Variants in RYR2 observed in about 807,000 individuals in gnomAD.
RYR2 encodes the protein ryanodine receptor 2.
Under a neutral mutation model 601.1 loss-of-function variants are expected in RYR2, and 227 were observed. The ratio of observed to expected loss-of-function variants is 0.38; its 90% CI spans 0.34 to 0.42. The LOEUF (loss-of-function observed/expected upper bound fraction) is 0.42. Among genes scored for constraint, RYR2 ranks in the 10% least tolerant of loss-of-function variants. RYR2 has a pLI of 1.00. For synonymous variants in RYR2, 2,223 were observed against 2,175.1 expected (o/e 1.02, Z -0.61); for missense variants, 4,646 against 6,156.5 (o/e 0.75, Z 8.21).
intron 1 of RYR2, among the ~76,000 whole-genome samples, chr1:237,094,613 C>T (rs986529492): frequency 2.6e-5 from 4 of 152,150 alleles, no homozygotes; most frequent in African/African-American, 4.8e-5. Flanking sequence ...CTCGCTCTGT[C>T]GCCCAGGCTG....
intron 104 of RYR2, among the ~76,000 whole-genome samples, chr1:237,832,113 A>G (rs905713183): frequency 6.6e-6 from 1 of 152,176 alleles, no homozygotes; most frequent in African/African-American, 2.4e-5. Context: ...ATCAGGACCT[A>G]CTACAGCCTT....
intron 1 of RYR2, among the ~76,000 whole-genome samples, chr1:237,050,560 T>C (rs149985002): frequency 2.6e-5 from 4 of 152,190 alleles, no homozygotes; most frequent in African/African-American, 9.7e-5. Flanking sequence ...ATTTTAAGAG[T>C]TTTTGCACAT....
chr1:237,521,314 G>A (rs1389711759), intron 24 of RYR2, among the ~76,000 whole-genome samples: 1 of 152,136 alleles, frequency 6.6e-6, no homozygotes, highest in Non-Finnish European at 1.5e-5. Flanking sequence ...AAAAATACCA[G>A]CAAACAAAAT....
intron 58 of RYR2, among the ~76,000 whole-genome samples, chr1:237,673,293 T>C (rs1281669638): frequency 6.6e-6 from 1 of 152,154 alleles, no homozygotes; most frequent in African/African-American, 2.4e-5. Context: ...TATCAGATCT[T>C]TACATCTGAA....
intron 70 of RYR2, among the ~76,000 whole-genome samples, chr1:237,711,101 A>G (rs946405066): frequency 6.8e-4 from 104 of 152,352 alleles, no homozygotes; most frequent in African/African-American, 2.4e-3. Flanking sequence ...GTACAAGACT[A>G]AAGTTTGGAA....
At chr1:237,469,295 T>TGGG (rs1553463002) in intron 17 of RYR2, 108 bp downstream of exon 17, 1 of 360,274 alleles carries the variant, frequency 2.8e-6, no homozygotes, top group Admixed American at 4.8e-5. Flanking sequence ...TTGAGTGAGG[T>TGGG]GTGGTGGTGT....
intron 95 of RYR2, among the ~76,000 whole-genome samples, chr1:237,794,449 C>G (rs1361845445): frequency 1.3e-5 from 2 of 152,186 alleles, no homozygotes; most frequent in Non-Finnish European, 2.9e-5. Flanking sequence ...TAGCATGAAA[C>G]TAACTAAATA....
chr1:237,735,308 GA>G (rs1691043091), intron 79 of RYR2, among the ~76,000 whole-genome samples: 1 of 152,188 alleles, frequency 6.6e-6, no homozygotes, highest in Non-Finnish European at 1.5e-5. Flanking sequence ...TGCAAAGATT[GA>G]GAGGGAACAG....
chr1:237,831,502 C>T lies in RYR2; in HGVS notation c.14757-12C>T. The T allele has an allele frequency of 1.4e-6, 2 of 1,468,522 alleles. No individual in the cohort carries two copies. The highest frequency in any genetic ancestry group is 9.5e-7 in the Non-Finnish European group (1 of 1,051,294). The allele number at this position is 1,468,522 out of a possible 1,614,324, so 91.0% of individuals were successfully genotyped here. A position where few individuals can be genotyped will look rare whatever the true frequency, so the allele number is the denominator to read the frequency against. On this transcript the variant is annotated splice_polypyrimidine_tract_variant and intron_variant, in intron 103 of 104. Coordinates refer to ENST00000366574, the MANE Select transcript of RYR2 (RefSeq NM_001035.3). ...TACCGTTCATTTCTGATCAGTTTCT[C>T]TGTATCTGTAGGTTTTTTCTGATGT... is the stretch of plus-strand genomic sequence containing the variant.
At chr1:237,308,845 C>T (rs1233315852) in intron 2 of RYR2, among the ~76,000 whole-genome samples, 1 of 152,188 alleles carries the variant, frequency 6.6e-6, no homozygotes, top group Non-Finnish European at 1.5e-5. Context: ...CTGGCCCCAC[C>T]CACATCCTGC....
At chr1:237,423,802 A>G (rs1316644557) in intron 12 of RYR2, among the ~76,000 whole-genome samples, 1 of 152,196 alleles carries the variant, frequency 6.6e-6, no homozygotes, top group East Asian at 1.9e-4. Context: ...AATCATTTTT[A>G]TGATAATTGC....
chr1:237,501,651 T>C (rs1011197219), intron 21 of RYR2, among the ~76,000 whole-genome samples: 4 of 152,234 alleles, frequency 2.6e-5, no homozygotes, highest in African/African-American at 9.6e-5. Context: ...GAATAATTCC[T>C]AGTTACAAAA....
intron 97 of RYR2, among the ~76,000 whole-genome samples, chr1:237,800,296 TCCTTTTTTC>T (rs1285169158): frequency 1.2e-4 from 18 of 152,296 alleles, no homozygotes; most frequent in African/African-American, 4.3e-4. Flanking sequence ...CCCCAACTCT[TCCTTTTTTC>T]ATTTAAGAAA....
chr1:237,501,921 G>A (rs913856316), intron 21 of RYR2, among the ~76,000 whole-genome samples: 1 of 152,146 alleles, frequency 6.6e-6, no homozygotes, highest in African/African-American at 2.4e-5. Context: ...TGGAAGGATT[G>A]CTTAAGGTCA....
At chr1:237,314,221 C>A (rs368210685) in intron 2 of RYR2, among the ~76,000 whole-genome samples, 2 of 151,848 alleles carry the variant, frequency 1.3e-5, no homozygotes, top group African/African-American at 4.8e-5. Context: ...CCCGCAACCA[C>A]GCCCAGCTAA....
chr1:237,638,226 G>A (rs1252243369), intron 44 of RYR2, 131 bp from the exon 45 acceptor site: 3 of 1,109,874 alleles, frequency 2.7e-6, no homozygotes, highest in East Asian at 5.1e-5. Context: ...ATTATCATGA[G>A]AGCAAAAAGA....
Position 237,820,674 on chromosome 1 carries a change from A to C in RYR2, c.14590+1482A>C, listed in dbSNP as rs1479299248. On this transcript the variant is annotated intron_variant, in intron 101 of 104. Coordinates refer to ENST00000366574, the MANE Select transcript of RYR2 (RefSeq NM_001035.3). Reference sequence around the variant, plus strand: ...GCACCTGGGATGCCAGCGAGACAGAACCATTCACTCGCCTGGAAAGGGGGC... The same window carrying C: ...GCACCTGGGATGCCAGCGAGACAGACCCATTCACTCGCCTGGAAAGGGGGC... 2.6e-5 allele frequency among the ~76,000 whole-genome samples: 4 copies of C among 152,092 alleles called. No individual in the cohort carries two copies. The East Asian group carries it at 7.7e-4, about 29-fold the overall frequency.
chr1:237,193,944 T>C (rs1282193735), intron 1 of RYR2, among the ~76,000 whole-genome samples: 4 of 152,242 alleles, frequency 2.6e-5, no homozygotes, highest in African/African-American at 7.2e-5. Flanking sequence ...CGTCAAACAT[T>C]CTCATAACTT....
intron 22 of RYR2, 49 bp from the exon 23 acceptor site, chr1:237,506,661 C>G (rs755137702): frequency 1.6e-5 from 22 of 1,365,730 alleles, no homozygotes; most frequent in Non-Finnish European, 2.2e-5. Context: ...GGCACTGCAT[C>G]TTATTGCATT....
Sources: allele counts gnomAD v4.1 joint callset (sites outside exome capture counted in the v4.1 genomes callset), GRCh38; gene constraint gnomAD v4.1.1; transcripts MANE v1.5; gene names NCBI Gene and HGNC (gene_info 2026-07-23, HGNC 2026-07-21).